The following GATAD1 variants were observed in gnomAD, a reference collection of about 807,000 sequenced individuals.
GATAD1 encodes GATA zinc finger domain-containing protein 1.
In GATAD1, 12 loss-of-function variants were observed where a neutral mutation model predicts 26.5. The observed-to-expected ratio is 0.45, with a 90% CI of 0.29 to 0.73. The LOEUF (loss-of-function observed/expected upper bound fraction) is 0.73, where lower values mean the gene tolerates loss of function less well. Among genes scored for constraint, GATAD1 ranks in the 30% least tolerant of loss-of-function variants. The pLI, the probability that GATAD1 is intolerant of heterozygous loss-of-function variation, is 0.10. For synonymous variants in GATAD1, 129 were observed against 133.1 expected, an observed-to-expected ratio of 0.97 and a Z score of 0.21; for missense variants, 266 against 342.1, an observed-to-expected ratio of 0.78 and a Z score of 1.75.
chr7:92,492,817 A>G, the GATAD1 span: 3 of 739,578 alleles, frequency 4.1e-6, no homozygotes, highest in Admixed American at 6.0e-5. Flanking sequence ...GGAACATTCA[A>G]CTAAAGGTAA....
At chr7:92,473,088 A>G in the GATAD1 span, 1 of 152,226 alleles carries the variant, frequency 6.6e-6, no homozygotes, top group Non-Finnish European at 1.5e-5. Flanking sequence ...AGTATCTTCA[A>G]AGGCAAACAA....
At chr7:92,470,256 C>T in the GATAD1 span, 1 of 778,710 alleles carries the variant, frequency 1.3e-6, no homozygotes, top group East Asian at 2.4e-5. Flanking sequence ...TTCCGGGACG[C>T]TGCATTCTCC....
rs1011340125 is a variant in GATAD1, at chr7:92,459,999, C to T, written c.*3437C>T. On this transcript the variant is annotated 3_prime_UTR_variant, in exon 5 of 5. Coordinates refer to ENST00000287957, the MANE Select transcript of GATAD1 (RefSeq NM_021167.5). ...AGATTGTTTTTAAGATTGTTTTAAA[C>T]AAGATGTTTTTAAGATGAGTTTTAA... Among the ~76,000 whole-genome samples, 5 of 152,258 alleles carry T rather than the reference C, an allele frequency of 3.3e-5. No individual in the cohort carries two copies. In the East Asian group the frequency reaches 9.6e-4, roughly 29 times the overall value.
the GATAD1 span, among the ~76,000 whole-genome samples, chr7:92,481,881 A>G: frequency 4.6e-5 from 7 of 152,304 alleles, no homozygotes; most frequent in East Asian, 5.8e-4. Context: ...TGGAGACGCA[A>G]TTGGCAGGGA....
At chr7:92,494,430 C>T in the GATAD1 span, 6 of 1,611,826 alleles carry the variant, frequency 3.7e-6, no homozygotes, top group Non-Finnish European at 4.2e-6. Context: ...TTACCAAAAT[C>T]TGATGACATG....
the GATAD1 span, chr7:92,494,286 T>C: frequency 2.3e-5 from 37 of 1,600,874 alleles, no homozygotes; most frequent in Non-Finnish European, 3.0e-5. Context: ...AAATATGAAA[T>C]TGTCACCTGA....
intron 4 of GATAD1, 119 bp from the exon 5 acceptor site, chr7:92,456,253 G>A (rs561355135): frequency 5.3e-6 from 3 of 567,508 alleles, no homozygotes; most frequent in Non-Finnish European, 9.3e-6. Flanking sequence ...CATGTTTCAA[G>A]GGCTAATGCC....
the GATAD1 span, chr7:92,491,482 A>G: frequency 3.7e-6 from 6 of 1,610,778 alleles, no homozygotes; most frequent in African/African-American, 4.0e-5. Flanking sequence ...TTAGGTCACT[A>G]TCAGAGCTGG....
chr7:92,492,668 T>C, the GATAD1 span, among the ~76,000 whole-genome samples: 1 of 152,238 alleles, frequency 6.6e-6, no homozygotes, highest in African/African-American at 2.4e-5. Flanking sequence ...TTGTTTGTAG[T>C]ATTTAATTCA....
chr7:92,490,188 C>A, the GATAD1 span: 1 of 431,422 alleles, frequency 2.3e-6, no homozygotes, highest in East Asian at 4.5e-5. Flanking sequence ...CACTAATGCC[C>A]AAGGACAGGT....
chr7:92,474,727 A>C, the GATAD1 span: 1 of 152,360 alleles, frequency 6.6e-6, no homozygotes, highest in South Asian at 2.1e-4. Context: ...TCTCCATGTC[A>C]GATCAAAGAA....
At chr7:92,479,395 G>T in the GATAD1 span, among the ~76,000 whole-genome samples, 1 of 152,154 alleles carries the variant, frequency 6.6e-6, no homozygotes, top group Admixed American at 6.5e-5. Context: ...TTTTGAGCCA[G>T]GAGAAGGAAT....
At chr7:92,471,636 C>A in the GATAD1 span, 1 of 152,192 alleles carries the variant, frequency 6.6e-6, no homozygotes, top group African/African-American at 2.4e-5. Context: ...AGGGTCCTGC[C>A]TTGCAGCTCT....
intron 2 of GATAD1, chr7:92,449,747 G>A: frequency 3.1e-6 from 1 of 327,388 alleles, no homozygotes; most frequent in South Asian, 1.2e-4. Flanking sequence ...TGTGCAGAAT[G>A]TGCAGGTTTG....
At chr7:92,495,734 G>C in the GATAD1 span, among the ~76,000 whole-genome samples, 5 of 151,454 alleles carry the variant, frequency 3.3e-5, no homozygotes, top group East Asian at 9.7e-4. Context: ...AATTGTACTC[G>C]GTGTTCAAAA....
the GATAD1 span, chr7:92,472,128 T>G: frequency 1.3e-5 from 2 of 152,228 alleles, no homozygotes; most frequent in African/African-American, 2.4e-5. Context: ...AGAAATTACT[T>G]GTTGACAGTT....
intron 3 of GATAD1, among the ~76,000 whole-genome samples, chr7:92,452,378 G>A (rs1395180057): frequency 6.6e-6 from 1 of 152,230 alleles, no homozygotes; most frequent in Non-Finnish European, 1.5e-5. Context: ...CTGGCAGGCA[G>A]CACCATGGTG....
chr7:92,456,683 C>CA lies in GATAD1; in HGVS notation c.*128dup, dbSNP rs527279475. The CA allele has an allele frequency of 2.0e-3, 1,195 of 584,150 alleles. 5 individuals carry two copies. Among genetic ancestry groups the CA allele is most frequent in the Middle Eastern group, 0.017 (57 of 3,330 alleles). 36.2% of individuals were successfully genotyped at this position (584,150 alleles called of 1,614,324 possible). ...TCAGATTCTCTTTCTTAAAAAACCA[C>CA]AAAAAAACTGGATTTCCAGTTCTCT... On this transcript the variant is annotated 3_prime_UTR_variant, in exon 5 of 5. Transcript: ENST00000287957.
intron 1 of GATAD1, among the ~76,000 whole-genome samples, 193 bp from the exon 2 acceptor site, chr7:92,448,559 C>T (rs139847339): frequency 1.7e-3 from 257 of 152,260 alleles, no homozygotes; most frequent in African/African-American, 5.7e-3. Flanking sequence ...TCCGAGATTC[C>T]GGGTGCTGAA....
Sources: gnomAD v4.1 joint callset for allele counts (sites outside exome capture counted in the v4.1 genomes callset) on GRCh38, gnomAD v4.1.1 for gene constraint, MANE v1.5 for transcripts, NCBI Gene and HGNC (gene_info 2026-07-23, HGNC 2026-07-21) for gene names.